The following FSHR variants were observed in gnomAD, a reference collection of about 807,000 sequenced individuals.
FSHR encodes follicle stimulating hormone receptor.
In FSHR, 46 loss-of-function variants were observed where a neutral mutation model predicts 52.1. The observed-to-expected ratio is 0.88, with a 90% CI of 0.70 to 1.13. The LOEUF (loss-of-function observed/expected upper bound fraction) is 1.13. FSHR is among the 50% of genes most tolerant of loss of function. The pLI is 0.00. For synonymous variants in FSHR, 399 were observed against 309.6 expected (o/e 1.29, Z -3.03); for missense variants, 964 against 834.6 (o/e 1.16, Z -1.91).
At chr2:49,003,484 A>G (rs1300907466) in intron 4 of FSHR, among the ~76,000 whole-genome samples, 1 of 152,162 alleles carries the variant, frequency 6.6e-6, no homozygotes, top group African/African-American at 2.4e-5. Flanking sequence ...GGGGAAGACA[A>G]CGTCCTTCCC....
At chr2:48,972,462 C>T (rs917046396) in intron 8 of FSHR, among the ~76,000 whole-genome samples, 2 of 152,174 alleles carry the variant, frequency 1.3e-5, no homozygotes, top group Non-Finnish European at 2.9e-5. Context: ...CTGTCTCTGC[C>T]TTCTCTCCAT....
chr2:49,052,059 C>T (rs936987932), intron 2 of FSHR, among the ~76,000 whole-genome samples: 4 of 151,824 alleles, frequency 2.6e-5, no homozygotes, highest in East Asian at 1.9e-4. Context: ...AACAAAGAAA[C>T]GACAAGAAAA....
At chr2:49,142,748 T>C (rs1466122979) in intron 1 of FSHR, among the ~76,000 whole-genome samples, 1 of 152,066 alleles carries the variant, frequency 6.6e-6, no homozygotes, top group Non-Finnish European at 1.5e-5. Flanking sequence ...TGAGGGATGA[T>C]GGTGAATTAA....
intron 4 of FSHR, among the ~76,000 whole-genome samples, chr2:49,000,968 C>T (rs6733819): frequency 3.9e-5 from 6 of 152,000 alleles, no homozygotes; most frequent in African/African-American, 1.2e-4. Context: ...TGAAAATAAA[C>T]TAGCCTTATT....
rs1674273596 is a variant in FSHR, at chr2:48,962,598, A to T, written c.*135T>A. 5.8e-6 allele frequency: 5 copies of T among 866,094 alleles called. No individual in the cohort carries two copies. Among genetic ancestry groups the T allele is most frequent in the Non-Finnish European group, 9.2e-6 (5 of 546,130 alleles). The allele number at this position is 866,094 out of a possible 1,614,324, so 53.7% of individuals were successfully genotyped here. ...CACATGGAATTAATAGTTCCTGACC[A>T]ATTTACCTTAAAGGTATGCCAGGAA... On this transcript the variant is annotated 3_prime_UTR_variant, in exon 10 of 10. Transcript: ENST00000406846.
intron 8 of FSHR, among the ~76,000 whole-genome samples, chr2:48,981,752 G>T (rs115481409): frequency 1.0e-3 from 155 of 152,250 alleles, no homozygotes; most frequent in Admixed American, 2.7e-3. Context: ...AGGTACACAG[G>T]TTCCAGCCTG....
chr2:49,095,677 C>T (rs777015762), intron 1 of FSHR, among the ~76,000 whole-genome samples: 1 of 151,884 alleles, frequency 6.6e-6, no homozygotes, highest in Non-Finnish European at 1.5e-5. Context: ...ACCAAGAAAG[C>T]AAAAAGACAA....
intron 8 of FSHR, among the ~76,000 whole-genome samples, chr2:48,972,702 T>G (rs1674797384): frequency 6.6e-6 from 1 of 152,126 alleles, no homozygotes; most frequent in Non-Finnish European, 1.5e-5. Flanking sequence ...AATTCAGGAC[T>G]CCCTCCAAGA....
At position 49,017,502 on chromosome 2, in the gene FSHR, T is replaced by G; in HGVS notation, c.361A>C (p.Asn121His). 1 of 1,612,748 alleles carries G rather than the reference T, an allele frequency of 6.2e-7. No homozygotes were observed. Among genetic ancestry groups the G allele is most frequent in the Admixed American group, 1.7e-5 (1 of 59,948 alleles). ...ATGAGTTCTTACAGATATTGAAGGT[T>G]GGGAAGGTTCTGGAAGGCCTCAGGG... ...INPEAFQNLP[N>H]LQYLLISNTG... Residue 121 changes from asparagine to histidine, a missense_variant, in exon 4 of 10, where the codon AAC becomes CAC. Asn to His is a moderately conservative substitution (Grantham distance 68). Transcript: ENST00000406846.
In FSHR at chr2:48,962,437, A is replaced by G. The variant is rs1466088202; in HGVS notation, c.*296T>C. 3 of 369,014 alleles carry G rather than the reference A, an allele frequency of 8.1e-6. No homozygotes were observed. Among genetic ancestry groups the G allele is most frequent in the African/African-American group, 6.2e-5 (3 of 48,086 alleles). The allele number at this position is 369,014 out of a possible 1,614,324, so 22.9% of individuals were successfully genotyped here. A position where few individuals can be genotyped will look rare whatever the true frequency, so the allele number is the denominator to read the frequency against. On this transcript the variant is annotated 3_prime_UTR_variant, in exon 10 of 10. Coordinates refer to ENST00000406846, the MANE Select transcript of FSHR (RefSeq NM_000145.4). ...TCCCTGTCCTGCTTATTTAACAGGG[A>G]TCACTTGAGATATCTGAACAAAAGC...
chr2:48,964,659 A>G (rs1018620950), intron 9 of FSHR, among the ~76,000 whole-genome samples: 68 of 152,278 alleles, frequency 4.5e-4, no homozygotes, highest in African/African-American at 1.6e-3. Flanking sequence ...GAGTGCCCCA[A>G]AGAACAATGC....
At chr2:49,046,535 T>C (rs1668663581) in intron 2 of FSHR, among the ~76,000 whole-genome samples, 2 of 152,166 alleles carry the variant, frequency 1.3e-5, no homozygotes. Flanking sequence ...ACAATGCATA[T>C]AAAGTGGCTT....
chr2:49,140,526 C>A (rs1672644780), intron 1 of FSHR, among the ~76,000 whole-genome samples: 2 of 152,042 alleles, frequency 1.3e-5, no homozygotes. Context: ...TATAGTACTG[C>A]AAGAATGGCC....
chr2:48,990,919 G>C (rs1488295424), intron 4 of FSHR, among the ~76,000 whole-genome samples: 1 of 151,120 alleles, frequency 6.6e-6, no homozygotes. Flanking sequence ...ATAAGTTAAT[G>C]TGACCCTAAA....
chr2:49,057,021 C>T (rs1019963648), intron 2 of FSHR, among the ~76,000 whole-genome samples: 1 of 151,858 alleles, frequency 6.6e-6, no homozygotes, highest in Non-Finnish European at 1.5e-5. Context: ...AATTAAGAGG[C>T]AAGTTTATAT....
intron 4 of FSHR, chr2:48,997,326 C>T (rs1676067172): frequency 1.0e-6 from 1 of 984,850 alleles, no homozygotes; most frequent in Non-Finnish European, 1.2e-6. Flanking sequence ...AACTCTTTGT[C>T]TCAGTCTCCA....
intron 1 of FSHR, among the ~76,000 whole-genome samples, chr2:49,092,113 A>G (rs1438532205): frequency 1.3e-5 from 2 of 152,174 alleles, no homozygotes; most frequent in African/African-American, 4.8e-5. Flanking sequence ...ACAACTAAGT[A>G]TTTCAATTTT....
At chr2:49,056,997 A>T (rs1669088718) in intron 2 of FSHR, among the ~76,000 whole-genome samples, 1 of 152,120 alleles carries the variant, frequency 6.6e-6, no homozygotes, top group Non-Finnish European at 1.5e-5. Flanking sequence ...AACCTATGGG[A>T]TGAGCAAAAG....
intron 1 of FSHR, among the ~76,000 whole-genome samples, chr2:49,123,947 C>A (rs917837259): frequency 1.3e-5 from 2 of 151,688 alleles, no homozygotes; most frequent in Non-Finnish European, 2.9e-5. Flanking sequence ...AAAGCTATTA[C>A]TGAGGTATAA....
Sources: gnomAD v4.1 joint callset for allele counts (sites outside exome capture counted in the v4.1 genomes callset) on GRCh38, gnomAD v4.1.1 for gene constraint, MANE v1.5 for transcripts, NCBI Gene and HGNC (gene_info 2026-07-23, HGNC 2026-07-21) for gene names.